Variants in BTC observed in about 807,000 individuals in gnomAD.
The protein encoded by BTC is betacellulin.
Under a neutral mutation model 18.1 loss-of-function variants are expected in BTC, and 13 were observed. The ratio of observed to expected loss-of-function variants is 0.72; its 90% confidence interval spans 0.47 to 1.14. BTC has a LOEUF of 1.14. Ranked by LOEUF, BTC falls within the 50% of genes most tolerant of loss-of-function variation. The pLI, the probability that BTC is intolerant of heterozygous loss-of-function variation, is 0.00. For missense variants in BTC, 247 were observed against 224.2 expected (o/e 1.10, Z -0.65); for synonymous variants, 83 against 79.4 (o/e 1.05, Z -0.24).
intron 3 of BTC, among the ~76,000 whole-genome samples, chr4:74,753,468 T>C (rs1724517344): frequency 6.6e-6 from 1 of 152,146 alleles, no homozygotes; most frequent in South Asian, 2.1e-4. Flanking sequence ...CATGTATAAA[T>C]AAAAATTATG....
chr4:74,777,521 A>G (rs141351758), intron 1 of BTC, among the ~76,000 whole-genome samples: 111 of 152,340 alleles, frequency 7.3e-4, no homozygotes, highest in African/African-American at 2.5e-3. Flanking sequence ...ATGAATACAC[A>G]TATATATGCA....
rs142307173 is a variant in BTC, at chr4:74,780,967, C to T, written c.65-10811G>A. Among the ~76,000 whole-genome samples the T allele has an allele frequency of 3.3e-3, 500 of 150,692 alleles. 2 individuals carry two copies. The highest frequency in any genetic ancestry group is 0.011 in the African/African-American group (468 of 41,038). On this transcript the variant is annotated intron_variant, in intron 1 of 5. Transcript: ENST00000395743. ...GTACATGTGCACAATGTGAGAGTTT[C>T]GTATTTTGAAATTCTATCTTTCAAC...
intron 3 of BTC, among the ~76,000 whole-genome samples, chr4:74,755,014 G>T (rs1553956537): frequency 1.3e-5 from 2 of 150,766 alleles, no homozygotes; most frequent in African/African-American, 4.9e-5. Flanking sequence ...ATTGTTATCT[G>T]CCTCCATGTA....
intron 1 of BTC, among the ~76,000 whole-genome samples, chr4:74,780,938 C>T (rs1052189897): frequency 8.0e-5 from 12 of 149,894 alleles, no homozygotes; most frequent in Non-Finnish European, 1.5e-4. Context: ...CTTTAAGTTT[C>T]AGGGTACATG....
At chr4:74,763,525 A>G (rs1325350290) in intron 2 of BTC, among the ~76,000 whole-genome samples, 1 of 152,010 alleles carries the variant, frequency 6.6e-6, no homozygotes, top group African/African-American at 2.4e-5. Flanking sequence ...TTTGTAAACA[A>G]TACATTTACA....
At position 74,746,155 on chromosome 4, in the gene BTC, G is replaced by A. The variant is rs781987880; in HGVS notation, c.*522C>T. On this transcript the variant is annotated 3_prime_UTR_variant, in exon 6 of 6. Transcript: ENST00000395743. ...TTAGATAAATCTTGATTTCTAGTCTGTCTCTACCAATCTCCAACTCTCTAA... is the reference window on the plus strand; with the variant it reads ...TTAGATAAATCTTGATTTCTAGTCTATCTCTACCAATCTCCAACTCTCTAA... 1.3e-5 allele frequency: 2 copies of A among 152,130 alleles called. No individual in the cohort carries two copies. Among genetic ancestry groups the A allele is most frequent in the Non-Finnish European group, 2.9e-5 (2 of 68,010 alleles). The allele number at this position is 152,130 out of a possible 1,614,324, so 9.4% of individuals were successfully genotyped here.
At chr4:74,763,697 T>C (rs1724824571) in intron 2 of BTC, among the ~76,000 whole-genome samples, 1 of 152,036 alleles carries the variant, frequency 6.6e-6, no homozygotes, top group Non-Finnish European at 1.5e-5. Context: ...TTTTCACGGA[T>C]GCTGAGGAGG....
At chr4:74,789,205 A>C (rs1725558831) in intron 1 of BTC, among the ~76,000 whole-genome samples, 1 of 152,168 alleles carries the variant, frequency 6.6e-6, no homozygotes, top group Non-Finnish European at 1.5e-5. Context: ...AATTCAAAGC[A>C]CTTTTGAAAG....
chr4:74,749,926 C>G (rs1267206407), intron 4 of BTC, among the ~76,000 whole-genome samples: 1 of 127,082 alleles, frequency 7.9e-6, no homozygotes, highest in Non-Finnish European at 1.6e-5. Flanking sequence ...GAGAGCCAGT[C>G]TCCACAAAAA....
rs35445298 is a variant in BTC, at chr4:74,774,591, TA to T, written c.65-4436del. Among the ~76,000 whole-genome samples, 357 of 144,180 alleles carry T rather than the reference TA, an allele frequency of 2.5e-3. 1 individual carries two copies. The highest frequency in any genetic ancestry group is 0.014 in the Middle Eastern group (4 of 282). 94.6% of individuals were successfully genotyped at this position (144,180 alleles called of 152,430 possible). On this transcript the variant is annotated intron_variant, in intron 1 of 5. Transcript: ENST00000395743. ...AGTTGTAGTTAACCAGGGCATTCTT[TA>T]AAAAAAAAAAAGGAACAACTTGTAA... is the stretch of plus-strand genomic sequence containing the variant.
intron 3 of BTC, among the ~76,000 whole-genome samples, chr4:74,752,411 G>A (rs1242533721): frequency 7.2e-6 from 1 of 139,380 alleles, no homozygotes; most frequent in East Asian, 2.1e-4. Context: ...ACGGTGTCTC[G>A]CTCTGTAGCC....
intron 1 of BTC, among the ~76,000 whole-genome samples, chr4:74,776,755 T>C (rs1725185960): frequency 6.6e-6 from 1 of 152,172 alleles, no homozygotes; most frequent in Non-Finnish European, 1.5e-5. Context: ...TGCGTTGTAT[T>C]TGCCTCATCT....
At chr4:74,760,153 A>G (rs1378315269) in intron 2 of BTC, among the ~76,000 whole-genome samples, 2 of 152,240 alleles carry the variant, frequency 1.3e-5, no homozygotes, top group Admixed American at 6.5e-5. Flanking sequence ...AATCAATACT[A>G]CAACTGTTAT....
rs781986866 is a variant in BTC at position 74,748,082 on chromosome 4, T to C, written c.496A>G (p.Thr166Ala). The change falls in exon 5 of 6, where the codon ACT (threonine) becomes GCT (alanine). Residue 166 changes from threonine (T) to alanine (A), a missense_variant. Physicochemically the swap from Thr to Ala is moderately conservative, Grantham distance 58 (BLOSUM62 0). Transcript: ENST00000395743. ...TCTTCAATATCTTCATTGATAGGAGTTATATCTTTACCCAGAGTTTCCATT... is the reference window on the plus strand; with the variant it reads ...TCTTCAATATCTTCATTGATAGGAGCTATATCTTTACCCAGAGTTTCCATT... ...EEMETLGKDI[T>A]PINEDIEETN... The C allele has an allele frequency of 2.5e-6, 4 of 1,609,626 alleles. No homozygotes were observed. The South Asian group carries it at 3.3e-5, about 13-fold the overall frequency.
chr4:74,786,851 T>G (rs1725490734), intron 1 of BTC, among the ~76,000 whole-genome samples: 1 of 152,196 alleles, frequency 6.6e-6, no homozygotes, highest in South Asian at 2.1e-4. Context: ...AAAAGCCTTT[T>G]GTGAAAGAAT....
chr4:74,782,666 G>A (rs974505789), intron 1 of BTC, among the ~76,000 whole-genome samples: 2 of 152,048 alleles, frequency 1.3e-5, no homozygotes, highest in African/African-American at 4.8e-5. Context: ...GGTCTTTGAG[G>A]GATAGCCACA....
At chr4:74,761,640 G>T (rs1249609019) in intron 2 of BTC, among the ~76,000 whole-genome samples, 1 of 152,042 alleles carries the variant, frequency 6.6e-6, no homozygotes, top group Non-Finnish European at 1.5e-5. Context: ...AAAAATATTG[G>T]AATTATCTTG....
chr4:74,772,276 C>T (rs1364671035), intron 1 of BTC, among the ~76,000 whole-genome samples: 1 of 152,152 alleles, frequency 6.6e-6, no homozygotes, highest in East Asian at 1.9e-4. Context: ...TCATGTATTT[C>T]TCTTGTGAAT....
At chr4:74,759,205 T>C (rs1345287009) in intron 2 of BTC, among the ~76,000 whole-genome samples, 3 of 152,164 alleles carry the variant, frequency 2.0e-5, no homozygotes, top group Admixed American at 6.5e-5. Context: ...CAGAGATATT[T>C]ATCAAGAAGA....
Sources: gnomAD v4.1 joint callset for allele counts (sites outside exome capture counted in the v4.1 genomes callset) on GRCh38, gnomAD v4.1.1 for gene constraint, MANE v1.5 for transcripts, NCBI Gene and HGNC (gene_info 2026-07-23, HGNC 2026-07-21) for gene names.